Variants in TECPR2 observed in about 807,000 individuals in gnomAD.
TECPR2 encodes the protein tectonin beta-propeller repeat-containing protein 2.
Under a neutral mutation model 138.1 loss-of-function variants are expected in TECPR2, and 65 were observed. The ratio of observed to expected loss-of-function variants is 0.47; its 90% CI spans 0.39 to 0.58. TECPR2 has a LOEUF of 0.58. TECPR2 is among the 20% of genes least tolerant of loss of function. The probability of loss-of-function intolerance (pLI) is 0.00; values close to 1 mark genes in which losing one functional copy is unlikely to be tolerated. For synonymous variants in TECPR2, 746 were observed against 749.8 expected (o/e 0.99, Z 0.08); for missense variants, 1,553 against 1,824.5 (o/e 0.85, Z 2.71).
Position 102,498,937 on chromosome 14 carries a change from C to T in TECPR2, c.*680C>T. On this transcript the variant is annotated 3_prime_UTR_variant, in exon 20 of 20. Coordinates refer to ENST00000359520, the MANE Select transcript of TECPR2 (RefSeq NM_014844.5). ...CACCGCACTGCACCATACCTCACCA[C>T]ATCTCACCACACCACAGCACACCTC... The T allele has an allele frequency of 1.4e-6, 1 of 693,518 alleles. No homozygotes were observed. The allele number at this position is 693,518 out of a possible 1,614,324, so 43.0% of individuals were successfully genotyped here.
chr14:102,390,524 G>C (rs1312462718), intron 2 of TECPR2, among the ~76,000 whole-genome samples: 1 of 152,176 alleles, frequency 6.6e-6, no homozygotes, highest in Non-Finnish European at 1.5e-5. Flanking sequence ...AAAAAAAGAA[G>C]AGAATGTGTG....
rs966661447 is a variant in TECPR2, at chr14:102,498,734, G to T, written c.*477G>T. 10 of 451,406 alleles carry T rather than the reference G, an allele frequency of 2.2e-5. No individual in the cohort carries two copies. Among genetic ancestry groups the T allele is most frequent in the South Asian group, 3.7e-5 (2 of 54,762 alleles). 28.0% of individuals were successfully genotyped at this position (451,406 alleles called of 1,614,324 possible). On this transcript the variant is annotated 3_prime_UTR_variant, in exon 20 of 20. Transcript: ENST00000359520. ...CGGTGATGGCTTTGTCCCATCATAG[G>T]GGGGTGTCCCCCCAGAGACAAAGCT...
intron 2 of TECPR2, among the ~76,000 whole-genome samples, chr14:102,396,921 C>G (rs575003458): frequency 4.6e-5 from 7 of 152,176 alleles, no homozygotes; most frequent in Non-Finnish European, 1.0e-4. Context: ...TGTCGTTACA[C>G]CTCCTCATTA....
At chr14:102,403,018 G>A (rs1445215225) in intron 2 of TECPR2, among the ~76,000 whole-genome samples, 1 of 152,078 alleles carries the variant, frequency 6.6e-6, no homozygotes, top group Non-Finnish European at 1.5e-5. Context: ...GAAGAGGAGG[G>A]AATACTTCTG....
chr14:102,493,691 C>G (rs1193081100), intron 17 of TECPR2, among the ~76,000 whole-genome samples: 1 of 152,204 alleles, frequency 6.6e-6, no homozygotes, highest in African/African-American at 2.4e-5. Flanking sequence ...GGCACCCCTG[C>G]CCTCCTGGAT....
chr14:102,483,562 C>T (rs957704686), intron 17 of TECPR2, among the ~76,000 whole-genome samples: 3 of 152,022 alleles, frequency 2.0e-5, no homozygotes, highest in African/African-American at 7.2e-5. Flanking sequence ...CCACCACAGC[C>T]TCCCAAGTAG....
chr14:102,407,518 G>T, intron 3 of TECPR2, 52 bp downstream of exon 3: 1 of 1,530,488 alleles, frequency 6.5e-7, no homozygotes, highest in Non-Finnish European at 8.8e-7. Flanking sequence ...ATTCCTCATG[G>T]ATTTTTAAAA....
chr14:102,465,089 A>C (rs935076210), intron 16 of TECPR2, 52 bp from the exon 17 acceptor site: 4 of 1,586,200 alleles, frequency 2.5e-6, no homozygotes, highest in Non-Finnish European at 2.6e-6. Flanking sequence ...AGATGAAAGA[A>C]TAGTCATTGT....
intron 2 of TECPR2, among the ~76,000 whole-genome samples, chr14:102,401,292 A>G (rs1374137437): frequency 3.2e-4 from 48 of 151,820 alleles, no homozygotes; most frequent in Admixed American, 2.8e-3. Context: ...TACAAACATT[A>G]GCTGGGTGTA....
At chr14:102,468,131 C>T (rs1890587285) in intron 17 of TECPR2, among the ~76,000 whole-genome samples, 1 of 151,906 alleles carries the variant, frequency 6.6e-6, no homozygotes, top group African/African-American at 2.4e-5. Flanking sequence ...CAGGCGTGTG[C>T]CACCACGCCC....
intron 17 of TECPR2, among the ~76,000 whole-genome samples, chr14:102,474,921 G>A (rs1264473614): frequency 6.6e-6 from 1 of 152,126 alleles, no homozygotes; most frequent in Admixed American, 6.5e-5. Context: ...TTCTGCAGAT[G>A]AGGAAAGCAA....
intron 17 of TECPR2, among the ~76,000 whole-genome samples, chr14:102,474,331 T>C (rs536569134): frequency 6.6e-6 from 1 of 150,608 alleles, no homozygotes; most frequent in East Asian, 2.0e-4. Context: ...ACAACAAAGG[T>C]GACTGTTATG....
intron 6 of TECPR2, among the ~76,000 whole-genome samples, 188 bp downstream of exon 6, chr14:102,425,479 AT>A (rs1402351526): frequency 6.6e-6 from 1 of 152,130 alleles, no homozygotes; most frequent in East Asian, 1.9e-4. Flanking sequence ...GAAAAAAAAA[AT>A]TTGGTTTTGA....
chr14:102,451,434 G>A (rs1354848044), intron 15 of TECPR2, among the ~76,000 whole-genome samples: 3 of 152,144 alleles, frequency 2.0e-5, no homozygotes, highest in African/African-American at 7.2e-5. Flanking sequence ...CAGATTGTTC[G>A]GACCACAGTT....
intron 16 of TECPR2, among the ~76,000 whole-genome samples, chr14:102,462,889 C>T (rs1464891247): frequency 1.3e-5 from 2 of 152,158 alleles, no homozygotes; most frequent in Admixed American, 6.6e-5. Context: ...TTAAAATGAG[C>T]AAGACTTGAA....
At chr14:102,475,131 G>A (rs1239668670) in intron 17 of TECPR2, among the ~76,000 whole-genome samples, 4 of 152,238 alleles carry the variant, frequency 2.6e-5, no homozygotes, top group African/African-American at 9.6e-5. Context: ...CATGGAGCCA[G>A]CTGGAGAGGG....
chr14:102,364,535 A>T (rs1340772477), intron 1 of TECPR2, among the ~76,000 whole-genome samples: 2 of 152,270 alleles, frequency 1.3e-5, no homozygotes, highest in African/African-American at 4.8e-5. Flanking sequence ...ACACAAATTG[A>T]ATTTTCAGGA....
intron 5 of TECPR2, among the ~76,000 whole-genome samples, chr14:102,423,673 C>T (rs1002590204): frequency 1.3e-5 from 2 of 152,064 alleles, no homozygotes; most frequent in Non-Finnish European, 2.9e-5. Flanking sequence ...ACGAAGACAT[C>T]GCCTAATGAC....
At chr14:102,431,685 A>G in intron 7 of TECPR2, 111 bp from the exon 8 acceptor site, 1 of 1,099,480 alleles carries the variant, frequency 9.1e-7, no homozygotes, top group Non-Finnish European at 1.3e-6. Context: ...TCAGTTCTTT[A>G]GCTGGCTGGT....
Sources: allele counts gnomAD v4.1 joint callset (sites outside exome capture counted in the v4.1 genomes callset), GRCh38; gene constraint gnomAD v4.1.1; transcripts MANE v1.5; gene names NCBI Gene and HGNC (gene_info 2026-07-23, HGNC 2026-07-21).